LAMB4: variants seen among roughly 807,000 people sequenced by gnomAD.
The protein encoded by LAMB4 is laminin subunit beta 4.
In LAMB4, 196 loss-of-function variants were observed where a neutral mutation model predicts 199.2. The ratio of observed to expected loss-of-function variants is 0.98; its 90% CI spans 0.88 to 1.11. LAMB4 has a LOEUF of 1.11. Ranked by LOEUF, LAMB4 falls within the 50% of genes least tolerant of loss-of-function variation. The pLI, the probability that LAMB4 is intolerant of heterozygous loss-of-function variation, is 0.00. For synonymous variants in LAMB4, 744 were observed against 770.6 expected, an observed-to-expected ratio of 0.97 and a Z score of 0.57; for missense variants, 2,080 against 2,171.2, an observed-to-expected ratio of 0.96 and a Z score of 0.83.
chr7:108,073,497 A>G (rs1485896832), intron 17 of LAMB4, among the ~76,000 whole-genome samples: 2 of 152,230 alleles, frequency 1.3e-5, no homozygotes, highest in East Asian at 3.8e-4. Flanking sequence ...TGGGTAACTG[A>G]AAACAAATTT....
At chr7:108,082,067 A>G (rs903782666) in intron 14 of LAMB4, among the ~76,000 whole-genome samples, 5 of 152,210 alleles carry the variant, frequency 3.3e-5, no homozygotes, top group Non-Finnish European at 7.3e-5. Flanking sequence ...GAGGTGGCTC[A>G]CGCCTGTAAT....
At chr7:108,063,647 C>T (rs960063882) in intron 22 of LAMB4, 114 bp downstream of exon 22, 8 of 898,614 alleles carry the variant, frequency 8.9e-6, no homozygotes, top group African/African-American at 1.6e-5. Flanking sequence ...CTAGTGGGTG[C>T]TGCTTTTGCC....
intron 13 of LAMB4, 102 bp downstream of exon 13, chr7:108,092,235 G>A: frequency 1.2e-6 from 1 of 813,186 alleles, no homozygotes; most frequent in Non-Finnish European, 2.0e-6. Flanking sequence ...ATCATTGCTT[G>A]TCATGGAATG....
chr7:108,069,699 G>A lies in LAMB4; in HGVS notation c.2302+9C>T. The A allele has an allele frequency of 1.2e-6, 2 of 1,611,810 alleles. No individual in the cohort carries two copies. Among genetic ancestry groups the A allele is most frequent in the Non-Finnish European group, 1.7e-6 (2 of 1,178,484 alleles). On this transcript the variant is annotated intron_variant, in intron 18 of 33. Transcript: ENST00000388781. ...GTGCCTCAGTAGAGCCCATTAAACA[G>A]ATACTTACCCACAGCCCCATCATGC...
At chr7:108,085,409 G>A (rs1265427560) in intron 14 of LAMB4, among the ~76,000 whole-genome samples, 1 of 152,068 alleles carries the variant, frequency 6.6e-6, no homozygotes, top group African/African-American at 2.4e-5. Flanking sequence ...AAGATGAATG[G>A]TACAATTCAT....
chr7:108,071,072 A>G (rs1027993709), intron 17 of LAMB4, among the ~76,000 whole-genome samples: 1 of 152,128 alleles, frequency 6.6e-6, no homozygotes, highest in African/African-American at 2.4e-5. Flanking sequence ...ACTCTTCTGC[A>G]TATTATGTTT....
intron 30 of LAMB4, 142 bp downstream of exon 30, chr7:108,037,246 G>C: frequency 1.5e-6 from 1 of 664,794 alleles, no homozygotes; most frequent in Non-Finnish European, 2.6e-6. Context: ...TCTCCAAAGA[G>C]AGCTCAGCCC....
At chr7:108,102,203 C>T (rs2037837743) in intron 10 of LAMB4, among the ~76,000 whole-genome samples, 1 of 151,900 alleles carries the variant, frequency 6.6e-6, no homozygotes, top group Non-Finnish European at 1.5e-5. Flanking sequence ...TTTTGTCATA[C>T]CTAAAGGAAA....
intron 29 of LAMB4, among the ~76,000 whole-genome samples, chr7:108,043,545 G>GTGTTTTTTT (rs2035496985): frequency 8.9e-5 from 5 of 55,998 alleles, no homozygotes; most frequent in African/African-American, 7.3e-4. Flanking sequence ...TGGCTATGAT[G>GTGTTTTTTT]TTTTTTTTTT....
At chr7:108,108,899 T>C (rs568920389) in intron 5 of LAMB4, among the ~76,000 whole-genome samples, 14 of 152,326 alleles carry the variant, frequency 9.2e-5, no homozygotes, top group African/African-American at 3.1e-4. Flanking sequence ...ATTATCTTTA[T>C]AGTTCTTATG....
chr7:108,106,055 C>T (rs1454755791), intron 7 of LAMB4, 24 bp from the exon 8 acceptor site: 1 of 1,572,722 alleles, frequency 6.4e-7, no homozygotes, highest in Admixed American at 1.7e-5. Context: ...AATAATGAAT[C>T]AAAGTGAATT....
chr7:108,107,375 G>A (rs1027890515), intron 6 of LAMB4, among the ~76,000 whole-genome samples: 2 of 152,082 alleles, frequency 1.3e-5, no homozygotes, highest in African/African-American at 4.8e-5. Context: ...CCTTCTTCTG[G>A]GTGCCTGGGG....
At chr7:108,049,021 C>T (rs1248697261) in intron 27 of LAMB4, among the ~76,000 whole-genome samples, 1 of 152,084 alleles carries the variant, frequency 6.6e-6, no homozygotes, top group East Asian at 1.9e-4. Context: ...GAGAATTAGC[C>T]TTTTTCTTGT....
rs1400613370 is a variant in LAMB4 at position 108,095,472 on chromosome 7, C to T, written c.1361-135G>A. On this transcript the variant is annotated intron_variant, in intron 11 of 33. Coordinates refer to ENST00000388781, the MANE Select transcript of LAMB4 (RefSeq NM_007356.3). ...CCTGCCCTGCCAGGTTTATTGTGTG[C>T]CTGGCTGCGTGATTATTGTTTTGCA... The T allele has an allele frequency of 2.2e-5, 14 of 649,672 alleles. No homozygotes were observed. The Admixed American group carries it at 3.7e-4, about 17-fold the overall frequency. 40.2% of individuals were successfully genotyped at this position (649,672 alleles called of 1,614,324 possible). A position where few individuals can be genotyped will look rare whatever the true frequency, so the allele number is the denominator to read the frequency against.
chr7:108,100,102 T>G (rs1455206590), intron 10 of LAMB4, among the ~76,000 whole-genome samples: 1 of 152,220 alleles, frequency 6.6e-6, no homozygotes, highest in East Asian at 1.9e-4. Flanking sequence ...AATTTAATTA[T>G]GCACAGAAGT....
In LAMB4 at chr7:108,057,912, G is replaced by A. The variant is rs144617075; in HGVS notation, c.3299C>T (p.Pro1100Leu). Residue 1100 changes from proline (P) to leucine (L), a missense_variant, in exon 24 of 34, where the codon CCG becomes CTG. Coordinates refer to ENST00000388781, the MANE Select transcript of LAMB4 (RefSeq NM_007356.3). ...TTTCCCGCCGTAACCTAATTTACAC[G>A]GACACTGGCCTGTAAGCTGTGAGAA... is the stretch of plus-strand genomic sequence containing the variant. ...SHCDQLTGQC[P>L]CKLGYGGKRC... 5.2e-5 allele frequency: 84 copies of A among 1,612,858 alleles called. No individual in the cohort carries two copies. Among genetic ancestry groups the A allele is most frequent in the South Asian group, 8.8e-5 (8 of 91,058 alleles).
chr7:108,105,674 G>C, intron 8 of LAMB4, 143 bp downstream of exon 8: 1 of 697,026 alleles, frequency 1.4e-6, no homozygotes, highest in South Asian at 1.8e-5. Flanking sequence ...GGCCTATCAG[G>C]ATAGGTTGAA....
chr7:108,124,551 C>T (rs751804766), intron 1 of LAMB4, among the ~76,000 whole-genome samples: 3 of 151,958 alleles, frequency 2.0e-5, no homozygotes, highest in Non-Finnish European at 2.9e-5. Context: ...TGTCAAACTA[C>T]CATGCAGAAA....
At chr7:108,064,914 T>A (rs1425202688) in intron 21 of LAMB4, among the ~76,000 whole-genome samples, 1 of 151,680 alleles carries the variant, frequency 6.6e-6, no homozygotes, top group Non-Finnish European at 1.5e-5. Flanking sequence ...TTTTTTTAAT[T>A]TAGAGACAGG....
Sources: gnomAD v4.1 joint callset for allele counts (sites outside exome capture counted in the v4.1 genomes callset) on GRCh38, gnomAD v4.1.1 for gene constraint, MANE v1.5 for transcripts, NCBI Gene and HGNC (gene_info 2026-07-23, HGNC 2026-07-21) for gene names.